GABRB1: variants seen among roughly 807,000 people sequenced by gnomAD.
The protein encoded by GABRB1 is gamma-aminobutyric acid type A receptor subunit beta1.
Under a neutral mutation model 51.6 loss-of-function variants are expected in GABRB1, and 17 were observed. The ratio of observed to expected loss-of-function variants is 0.33; its 90% CI spans 0.23 to 0.49. GABRB1 has a LOEUF of 0.49. Ranked by LOEUF, GABRB1 falls within the 20% of genes least tolerant of loss-of-function variation. The probability of loss-of-function intolerance (pLI) is 0.99; values close to 1 mark genes in which losing one functional copy is unlikely to be tolerated. For missense variants in GABRB1, 410 were observed against 600.6 expected, an observed-to-expected ratio of 0.68 and a Z score of 3.32; for synonymous variants, 247 against 218.9, an observed-to-expected ratio of 1.13 and a Z score of -1.14.
intron 3 of GABRB1, among the ~76,000 whole-genome samples, chr4:47,123,457 ATATAT>A (rs1361725416): frequency 8.7e-6 from 1 of 115,242 alleles, no homozygotes. Context: ...ATATATTATA[ATATAT>A]TATATATTAT....
upstream of GABRB1, among the ~76,000 whole-genome samples, chr4:47,030,109 T>A (rs1252876875): frequency 6.6e-6 from 1 of 152,180 alleles, no homozygotes; most frequent in Non-Finnish European, 1.5e-5. Flanking sequence ...TTACATTGGA[T>A]AGAATTGACA....
chr4:47,376,379 G>T (rs1727375982), intron 5 of GABRB1, among the ~76,000 whole-genome samples: 1 of 152,228 alleles, frequency 6.6e-6, no homozygotes, highest in Admixed American at 6.5e-5. Context: ...GGGCGCAGTG[G>T]CTCACGCCTG....
intron 3 of GABRB1, among the ~76,000 whole-genome samples, chr4:47,153,694 A>T (rs563601158): frequency 6.6e-6 from 1 of 152,112 alleles, no homozygotes; most frequent in East Asian, 1.9e-4. Flanking sequence ...ATTTTCTTAG[A>T]TGATTATCAT....
intron 4 of GABRB1, among the ~76,000 whole-genome samples, chr4:47,292,644 C>A (rs1723793347): frequency 6.6e-6 from 1 of 152,190 alleles, no homozygotes; most frequent in Non-Finnish European, 1.5e-5. Context: ...TGCTTTGGGG[C>A]TGTGGTAAGA....
intron 5 of GABRB1, among the ~76,000 whole-genome samples, chr4:47,373,045 G>A (rs1727261858): frequency 6.6e-6 from 1 of 152,158 alleles, no homozygotes; most frequent in Non-Finnish European, 1.5e-5. Context: ...ACAGAGACTT[G>A]TCAGTAAGTC....
At chr4:47,241,017 T>A (rs542441989) in intron 4 of GABRB1, among the ~76,000 whole-genome samples, 2 of 152,244 alleles carry the variant, frequency 1.3e-5, no homozygotes, top group East Asian at 1.9e-4. Context: ...GAATCTTTTT[T>A]AAAAAAATAA....
chr4:47,283,911 G>A (rs541306244), intron 4 of GABRB1, among the ~76,000 whole-genome samples: 1 of 151,934 alleles, frequency 6.6e-6, no homozygotes, highest in African/African-American at 2.4e-5. Context: ...GGATTGTCAA[G>A]CTTCTCACAG....
chr4:47,397,934 G>T (rs1728235184), intron 5 of GABRB1, among the ~76,000 whole-genome samples: 1 of 152,046 alleles, frequency 6.6e-6, no homozygotes, highest in African/African-American at 2.4e-5. Flanking sequence ...AATTCATCTA[G>T]TCTAGTTCCC....
rs189913601 is a variant in GABRB1, at chr4:47,401,228, C to T, written c.545-2090C>T. 3.5e-3 allele frequency among the ~76,000 whole-genome samples: 531 copies of T among 152,146 alleles called. 8 individuals are homozygous for T. Among genetic ancestry groups the T allele is most frequent in the Non-Finnish European group, 4.6e-3 (311 of 67,982 alleles). On this transcript the variant is annotated intron_variant, in intron 5 of 8. Coordinates refer to ENST00000295454, the MANE Select transcript of GABRB1 (RefSeq NM_000812.4). The stretch of plus-strand genomic sequence containing the variant: ...ATACCCAGTAGTGGGATTGCTAAAT[C>T]GAATTGTATTTTTAAAAAGTCAAAA...
chr4:47,123,371 A>G lies in GABRB1; in HGVS notation c.241-37878A>G, dbSNP rs1489684902. ...TATATTAGATAATATATTATACTTT[A>G]GATATTATATTTTATATATATATTA... is the stretch of plus-strand genomic sequence containing the variant. On this transcript the variant is annotated intron_variant, in intron 3 of 8. Transcript: ENST00000295454. Among the ~76,000 whole-genome samples the G allele has an allele frequency of 3.1e-5, 4 of 128,428 alleles. No individual in the cohort carries two copies. The East Asian group carries it at 8.5e-4, about 27-fold the overall frequency. 84.3% of individuals were successfully genotyped at this position (128,428 alleles called of 152,430 possible). A position where few individuals can be genotyped will look rare whatever the true frequency, so the allele number is the denominator to read the frequency against.
At chr4:47,022,754 T>C (rs1250048967) in intron 1 of GABRB1, among the ~76,000 whole-genome samples, 1 of 151,988 alleles carries the variant, frequency 6.6e-6, no homozygotes, top group African/African-American at 2.4e-5. Flanking sequence ...GTTCCTCAAA[T>C]TGAAATTGAG....
chr4:47,310,412 T>C (rs969650300), intron 4 of GABRB1, among the ~76,000 whole-genome samples: 1 of 152,226 alleles, frequency 6.6e-6, no homozygotes, highest in African/African-American at 2.4e-5. Context: ...TATATCATTT[T>C]ATACTCACTA....
intron 4 of GABRB1, among the ~76,000 whole-genome samples, chr4:47,206,056 T>TAAA (rs142712255): frequency 1.1e-4 from 16 of 149,442 alleles, no homozygotes; most frequent in South Asian, 4.2e-4. Flanking sequence ...TTCACAGGAT[T>TAAA]AAAAAAAAAA....
At chr4:47,078,754 T>C (rs1451722904) in intron 3 of GABRB1, among the ~76,000 whole-genome samples, 1 of 152,214 alleles carries the variant, frequency 6.6e-6, no homozygotes, top group Non-Finnish European at 1.5e-5. Flanking sequence ...ATTCCAACTT[T>C]TCTTATAGCA....
intron 3 of GABRB1, among the ~76,000 whole-genome samples, chr4:47,144,946 G>A (rs1717094593): frequency 6.6e-6 from 1 of 151,912 alleles, no homozygotes; most frequent in Admixed American, 6.6e-5. Flanking sequence ...CATTAACAAA[G>A]TAACAAACTG....
intron 4 of GABRB1, among the ~76,000 whole-genome samples, chr4:47,192,564 T>C (rs1163366258): frequency 6.6e-6 from 1 of 152,148 alleles, no homozygotes; most frequent in African/African-American, 2.4e-5. Context: ...TATCAAAAAA[T>C]ATATAGTAGT....
chr4:47,348,888 G>T (rs1036489450), intron 5 of GABRB1, among the ~76,000 whole-genome samples: 1 of 152,188 alleles, frequency 6.6e-6, no homozygotes, highest in African/African-American at 2.4e-5. Context: ...ATGGAAAGAA[G>T]TAGATGAATT....
chr4:47,231,793 G>A (rs750168721), intron 4 of GABRB1, among the ~76,000 whole-genome samples: 43 of 152,260 alleles, frequency 2.8e-4, no homozygotes, highest in African/African-American at 8.2e-4. Context: ...CGACACAGGC[G>A]TGGTGAGGAA....
rs1725570329 is a variant in GABRB1, at chr4:47,333,305, G to A, written c.544+13096G>A. ...GAATAATGATGCTATGGAAAGGGGA[G>A]TTATCTATACTTGGGAGAGACATGG... On this transcript the variant is annotated intron_variant, in intron 5 of 8. Coordinates refer to ENST00000295454, the MANE Select transcript of GABRB1 (RefSeq NM_000812.4). Among the ~76,000 whole-genome samples the A allele has an allele frequency of 2.0e-5, 3 of 149,582 alleles. No homozygotes were observed. In the Admixed American group the frequency reaches 2.0e-4, roughly 10 times the overall value.
Sources: gnomAD v4.1 joint callset for allele counts (sites outside exome capture counted in the v4.1 genomes callset) on GRCh38, gnomAD v4.1.1 for gene constraint, MANE v1.5 for transcripts, NCBI Gene and HGNC (gene_info 2026-07-23, HGNC 2026-07-21) for gene names.